FGF1: variants seen among roughly 807,000 people sequenced by gnomAD.
FGF1 encodes the protein beta-endothelial cell growth factor.
In FGF1, 9 loss-of-function variants were observed where a neutral mutation model predicts 13.4. The observed-to-expected ratio is 0.67, with a 90% confidence interval of 0.40 to 1.17. FGF1 has a LOEUF of 1.17. Ranked by LOEUF, FGF1 falls within the 50% of genes most tolerant of loss-of-function variation. FGF1 has a pLI of 0.01. For missense variants in FGF1, 156 were observed against 192.7 expected (o/e 0.81, Z 1.13); for synonymous variants, 93 against 79.0 (o/e 1.18, Z -0.94).
At chr5:142,635,871 T>C (rs1764168722) in intron 1 of FGF1, among the ~76,000 whole-genome samples, 1 of 152,252 alleles carries the variant, frequency 6.6e-6, no homozygotes, top group Non-Finnish European at 1.5e-5. Context: ...GAAGGCTTGA[T>C]TATTTTTCTC....
intron 1 of FGF1, among the ~76,000 whole-genome samples, chr5:142,639,115 T>G (rs1609895): frequency 6.6e-6 from 1 of 151,794 alleles, no homozygotes; most frequent in Non-Finnish European, 1.5e-5. Context: ...GTATAGAGGT[T>G]CCTCAAAAAA....
upstream of FGF1, among the ~76,000 whole-genome samples, chr5:142,687,089 C>T (rs569010860): frequency 1.3e-5 from 2 of 152,038 alleles, no homozygotes; most frequent in South Asian, 2.1e-4. Flanking sequence ...CCTGCTTATG[C>T]AGGCGTTTGA....
intron 1 of FGF1, among the ~76,000 whole-genome samples, chr5:142,646,208 C>CTTTTTTTTTT (rs762008952): frequency 5.5e-5 from 3 of 54,944 alleles, no homozygotes; most frequent in African/African-American, 7.2e-5. Flanking sequence ...CGCACCTGGC[C>CTTTTTTTTTT]TTTTTTTTTT....
chr5:142,641,059 G>A (rs1259089158), intron 1 of FGF1, among the ~76,000 whole-genome samples: 1 of 151,990 alleles, frequency 6.6e-6, no homozygotes, highest in East Asian at 1.9e-4. Flanking sequence ...TGCAGGGAAG[G>A]GAAAGATAAT....
At chr5:142,692,572 A>G (rs575455763) in intron 2 of FGF1, among the ~76,000 whole-genome samples, 48 of 152,186 alleles carry the variant, frequency 3.2e-4, no homozygotes, top group Middle Eastern at 3.4e-3. Context: ...AACCCCAAGC[A>G]GGTTATGAAA....
At position 142,592,520 on chromosome 5, in the gene FGF1, C is replaced by T; in HGVS notation, c.*2770G>A. 2.5e-6 allele frequency: 1 copy of T among 398,206 alleles called. No homozygotes were observed. Among genetic ancestry groups the T allele is most frequent in the East Asian group, 3.6e-5 (1 of 28,084 alleles). The allele number at this position is 398,206 out of a possible 1,614,324, so 24.7% of individuals were successfully genotyped here. On this transcript the variant is annotated 3_prime_UTR_variant, in exon 4 of 4. Coordinates refer to ENST00000337706, the MANE Select transcript of FGF1 (RefSeq NM_000800.5). Reference sequence around the variant, plus strand: ...ACCAAAAGCACATATGTTCATGATGCTTTGTTCAGAGCTGGCCCGAAAATG... The same window carrying T: ...ACCAAAAGCACATATGTTCATGATGTTTTGTTCAGAGCTGGCCCGAAAATG...
chr5:142,601,310 C>T (rs1259432255), intron 2 of FGF1, among the ~76,000 whole-genome samples: 2 of 152,144 alleles, frequency 1.3e-5, no homozygotes, highest in African/African-American at 4.8e-5. Flanking sequence ...GTCCGCAGAT[C>T]GTTATTTTAT....
Position 142,670,258 on chromosome 5 carries a change from C to T in FGF1, c.-35+15699G>A, listed in dbSNP as rs145016657. Among the ~76,000 whole-genome samples the T allele has an allele frequency of 3.6e-3, 549 of 152,318 alleles. 4 individuals are homozygous for T. Among genetic ancestry groups the T allele is most frequent in the African/African-American group, 0.012 (480 of 41,566 alleles). ...CCTCACCTTCCACTACGTCCTTCCA[C>T]ATCCCAGCAATCTGAGCTGCTCCCT... On this transcript the variant is annotated intron_variant, in intron 1 of 3. Transcript: ENST00000337706.
chr5:142,676,315 C>T (rs1224671257), intron 1 of FGF1, among the ~76,000 whole-genome samples: 2 of 152,218 alleles, frequency 1.3e-5, no homozygotes, highest in Non-Finnish European at 2.9e-5. Flanking sequence ...CGTGCTAAAA[C>T]ATTTTAGGCA....
intron 1 of FGF1, among the ~76,000 whole-genome samples, chr5:142,650,776 C>T (rs140678024): frequency 1.7e-4 from 26 of 151,852 alleles, no homozygotes; most frequent in East Asian, 1.4e-3. Flanking sequence ...GATAGAAATC[C>T]GAAACATGCA....
intron 2 of FGF1, among the ~76,000 whole-genome samples, chr5:142,695,389 C>G (rs1446602563): frequency 6.6e-6 from 1 of 152,006 alleles, no homozygotes; most frequent in Non-Finnish European, 1.5e-5. Context: ...CGAGACCAGC[C>G]TGGCCAACAT....
Position 142,600,705 on chromosome 5 carries a change from G to A in FGF1, c.270C>T (p.Gly90=), listed in dbSNP as rs770255433. Residue 90 remains glycine, a synonymous_variant, in exon 3 of 4, where the codon GGC becomes GGT. Coordinates refer to ENST00000337706, the MANE Select transcript of FGF1 (RefSeq NM_000800.5). The part of the protein sequence containing the change: ...LAMDTDGLLY[G]SQTPNEECLF... ...AGCATGTCAGCTTCATACTTACTGA[G>A]CCGTATAAAAGCCCGTCGGTGTCCA... 2.0e-5 allele frequency: 32 copies of A among 1,607,348 alleles called. No homozygotes were observed. The highest frequency in any genetic ancestry group is 2.5e-5 in the Non-Finnish European group (29 of 1,174,012).
intron 2 of FGF1, among the ~76,000 whole-genome samples, chr5:142,607,961 A>C (rs1484046145): frequency 6.6e-6 from 1 of 152,176 alleles, no homozygotes; most frequent in Non-Finnish European, 1.5e-5. Context: ...TGCTCCCCAA[A>C]GCCTTCCATT....
chr5:142,648,790 A>AAGCCTGC (rs1033963112), intron 1 of FGF1, among the ~76,000 whole-genome samples: 4 of 151,918 alleles, frequency 2.6e-5, no homozygotes, highest in African/African-American at 7.3e-5. Context: ...ACTGGAGAAT[A>AAGCCTGC]AGCCTGCAGG....
At chr5:142,681,289 T>C (rs1223605515) in intron 1 of FGF1, among the ~76,000 whole-genome samples, 1 of 152,248 alleles carries the variant, frequency 6.6e-6, no homozygotes, top group Non-Finnish European at 1.5e-5. Context: ...TTACCCAATC[T>C]TGACTTCAAA....
chr5:142,658,609 GAC>G (rs1008939647), intron 1 of FGF1, among the ~76,000 whole-genome samples: 3 of 152,128 alleles, frequency 2.0e-5, no homozygotes, highest in Non-Finnish European at 2.9e-5. Flanking sequence ...ACAGGCAGCA[GAC>G]ACACACACGC....
chr5:142,657,525 C>T (rs1468195952), intron 1 of FGF1, among the ~76,000 whole-genome samples: 6 of 152,262 alleles, frequency 3.9e-5, no homozygotes, highest in South Asian at 4.1e-4. Context: ...CACCTGATTG[C>T]GGTGGCCTGA....
intron 1 of FGF1, among the ~76,000 whole-genome samples, chr5:142,662,673 C>T (rs1276246344): frequency 3.9e-5 from 6 of 152,184 alleles, no homozygotes; most frequent in Non-Finnish European, 8.8e-5. Flanking sequence ...TTTCTGCAGC[C>T]TCCTCTGTGT....
rs757936704 is a variant in FGF1 at position 142,619,828 on chromosome 5, C to A, written c.-34-5667G>T. 2.7e-5 allele frequency among the ~76,000 whole-genome samples: 4 copies of A among 148,318 alleles called. No homozygotes were observed. The East Asian group carries it at 7.9e-4, about 29-fold the overall frequency. ...AGCCTGAGCAACAACAGCGAAACTC[C>A]GTCTCAAGAAAAACCAAAAAACGAA... On this transcript the variant is annotated intron_variant, in intron 1 of 3. Transcript: ENST00000337706.
Sources: gnomAD v4.1 joint callset for allele counts (sites outside exome capture counted in the v4.1 genomes callset) on GRCh38, gnomAD v4.1.1 for gene constraint, MANE v1.5 for transcripts, NCBI Gene and HGNC (gene_info 2026-07-23, HGNC 2026-07-21) for gene names.